The following WDPCP variants were observed in gnomAD, a reference collection of about 807,000 sequenced individuals.
WDPCP encodes WD repeat-containing and planar cell polarity effector protein fritz homolog.
Under a neutral mutation model 93.1 loss-of-function variants are expected in WDPCP, and 71 were observed. The ratio of observed to expected loss-of-function variants is 0.76; its 90% confidence interval spans 0.63 to 0.93. The LOEUF is 0.93. Ranked by LOEUF, WDPCP falls within the 40% of genes least tolerant of loss-of-function variation. The pLI is 0.00. For missense variants in WDPCP, 844 were observed against 887.4 expected (o/e 0.95, Z 0.62); for synonymous variants, 315 against 315.0 (o/e 1.00, Z 0.00).
chr2:63,163,753 G>A (rs1358033587), intron 15 of WDPCP, among the ~76,000 whole-genome samples: 2 of 151,790 alleles, frequency 1.3e-5, no homozygotes, highest in Admixed American at 6.6e-5. Flanking sequence ...TTTTTTTCTG[G>A]TAAGTCTACT....
chr2:63,834,804 G>C, the WDPCP span, among the ~76,000 whole-genome samples: 2 of 152,166 alleles, frequency 1.3e-5, no homozygotes, highest in African/African-American at 4.8e-5. Context: ...AGCCAACATG[G>C]AGCTCCTGGA....
At chr2:63,291,995 C>T (rs1442231374) in intron 13 of WDPCP, among the ~76,000 whole-genome samples, 28 of 150,120 alleles carry the variant, frequency 1.9e-4, no homozygotes, top group East Asian at 7.9e-4. Context: ...TAGCCGGGCG[C>T]GGTGGCGGGC....
At chr2:63,403,334 T>C (rs1694296016) in intron 10 of WDPCP, among the ~76,000 whole-genome samples, 1 of 152,104 alleles carries the variant, frequency 6.6e-6, no homozygotes, top group East Asian at 1.9e-4. Context: ...CTGGGCTTAA[T>C]ACCTGTGTGA....
intron 1 of WDPCP, among the ~76,000 whole-genome samples, chr2:63,574,838 A>G (rs1164840591): frequency 6.6e-6 from 1 of 152,196 alleles, no homozygotes; most frequent in Non-Finnish European, 1.5e-5. Flanking sequence ...TCCTGTCCAT[A>G]GAAATGCAAA....
At chr2:63,403,415 A>G (rs1694302561) in intron 10 of WDPCP, among the ~76,000 whole-genome samples, 1 of 132,238 alleles carries the variant, frequency 7.6e-6, no homozygotes, top group African/African-American at 2.8e-5. Context: ...GTACCCACAA[A>G]CCTACATAAA....
rs1254476772 is a variant in WDPCP, at chr2:63,437,486, T to C, written c.568A>G (p.Thr190Ala). ...AQNKLCFIQF[T>A]KKMESSDVNK... ...ACATCAGAAGACTCCATCTTCTTGG[T>C]AAACTGAATAAAACATAGTTTGTTT... The change falls in exon 8 of 18, where the codon ACC becomes GCC. Residue 190 changes from threonine (T) to alanine (A), a missense_variant. By Grantham distance (58) the Thr-to-Ala change is moderately conservative. Transcript: ENST00000272321. 1 of 1,601,820 alleles carries C rather than the reference T, an allele frequency of 6.2e-7. No individual in the cohort carries two copies. Among genetic ancestry groups the C allele is most frequent in the Non-Finnish European group, 8.5e-7 (1 of 1,174,654 alleles).
At chr2:63,767,557 A>C (rs1670160880) in intron 2 of WDPCP, among the ~76,000 whole-genome samples, 1 of 152,084 alleles carries the variant, frequency 6.6e-6, no homozygotes, top group Non-Finnish European at 1.5e-5. Flanking sequence ...TAGGTATATC[A>C]TTGTGGTTTT....
At chr2:63,467,550 A>C (rs895168514) in intron 6 of WDPCP, among the ~76,000 whole-genome samples, 6 of 151,980 alleles carry the variant, frequency 3.9e-5, no homozygotes, top group Non-Finnish European at 8.8e-5. Context: ...AGGCCAAGGC[A>C]GGTGGATCAT....
intron 12 of WDPCP, among the ~76,000 whole-genome samples, chr2:63,363,061 AT>A (rs557182798): frequency 4.6e-5 from 7 of 151,774 alleles, no homozygotes; most frequent in Admixed American, 2.0e-4. Context: ...ACTTATTTAG[AT>A]TTTTTTTTAA....
At chr2:63,458,101 C>A (rs13407165) in intron 6 of WDPCP, among the ~76,000 whole-genome samples, 1 of 142,898 alleles carries the variant, frequency 7.0e-6, no homozygotes, top group Non-Finnish European at 1.5e-5. Flanking sequence ...TCCAGCCTGG[C>A]GACAGTGTGA....
At position 63,122,049 on chromosome 2, in the gene WDPCP, C is replaced by T. The variant is rs749394904; in HGVS notation, c.2198G>A (p.Arg733Lys). 1.1e-5 allele frequency: 18 copies of T among 1,610,142 alleles called. No homozygotes were observed. In the South Asian group the frequency reaches 1.7e-4, roughly 15 times the overall value. ...AATCATTTTGAGAGAACCACCATCTCTGATTTCCTGCAAATAAACAAATAA... is the reference window on the plus strand; with the variant it reads ...AATCATTTTGAGAGAACCACCATCTTTGATTTCCTGCAAATAAACAAATAA... The part of the protein sequence containing the change: ...LREDGREQEI[R>K]DGGSLKMIHF... Residue 733 changes from arginine to lysine, a missense_variant, in exon 18 of 18, where the codon AGA (arginine) becomes AAA (lysine). Physicochemically the swap from Arg to Lys is conservative, Grantham distance 26. Transcript: ENST00000272321.
chr2:63,350,005 G>A (rs904199458), intron 12 of WDPCP, among the ~76,000 whole-genome samples: 6 of 151,842 alleles, frequency 4.0e-5, no homozygotes, highest in East Asian at 1.9e-4. Flanking sequence ...TGTTTACTGC[G>A]GCACTATTCA....
chr2:63,724,384 A>G (rs1436699082), intron 2 of WDPCP, among the ~76,000 whole-genome samples: 1 of 152,070 alleles, frequency 6.6e-6, no homozygotes, highest in African/African-American at 2.4e-5. Flanking sequence ...ATCAATACTT[A>G]CACTGTTGAT....
intron 13 of WDPCP, among the ~76,000 whole-genome samples, chr2:63,298,368 G>A (rs964762048): frequency 6.6e-6 from 1 of 151,884 alleles, no homozygotes; most frequent in Non-Finnish European, 1.5e-5. Context: ...TCTGGGTGTC[G>A]CCAGAAGAGA....
At chr2:63,479,798 G>C (rs183612743) in intron 6 of WDPCP, among the ~76,000 whole-genome samples, 30 of 151,166 alleles carry the variant, frequency 2.0e-4, no homozygotes, top group Admixed American at 6.6e-4. Flanking sequence ...CATAGTACTG[G>C]AAGTCCCAGC....
At chr2:63,657,639 TGGTGGTAAGCGGGCGGATTTGAGATATA>T (rs1358673685) in intron 2 of WDPCP, among the ~76,000 whole-genome samples, 1 of 152,210 alleles carries the variant, frequency 6.6e-6, no homozygotes, top group Non-Finnish European at 1.5e-5. Context: ...GTGGTGCAGG[TGGTGGTAAGCGGGCGGATTTGAGATATA>T]CTGGCATTTC....
intron 2 of WDPCP, among the ~76,000 whole-genome samples, chr2:63,698,507 G>A (rs894822033): frequency 1.3e-5 from 2 of 152,180 alleles, no homozygotes; most frequent in Non-Finnish European, 2.9e-5. Context: ...CAGGGACCTG[G>A]AGCCTCTAGA....
At chr2:63,809,923 T>A (rs932048004) in intron 2 of WDPCP, among the ~76,000 whole-genome samples, 1 of 151,350 alleles carries the variant, frequency 6.6e-6, no homozygotes, top group Admixed American at 6.6e-5. Flanking sequence ...AATAAATAAA[T>A]AAATAAAATT....
intron 8 of WDPCP, among the ~76,000 whole-genome samples, chr2:63,435,463 C>A (rs1251149113): frequency 6.6e-6 from 1 of 151,948 alleles, no homozygotes; most frequent in Non-Finnish European, 1.5e-5. Context: ...AGAGAAATAC[C>A]ACGATGAAAT....
Sources: allele counts gnomAD v4.1 joint callset (sites outside exome capture counted in the v4.1 genomes callset), GRCh38; gene constraint gnomAD v4.1.1; transcripts MANE v1.5; gene names NCBI Gene and HGNC (gene_info 2026-07-23, HGNC 2026-07-21).